The following SEMA6D variants were observed in gnomAD, a reference collection of about 807,000 sequenced individuals.
SEMA6D encodes semaphorin-6D.
SEMA6D carries 35 observed loss-of-function variants against 106.6 expected under a neutral mutation model. The ratio of observed to expected loss-of-function variants is 0.33; its 90% CI spans 0.25 to 0.44. The LOEUF is 0.44. Among genes scored for constraint, SEMA6D ranks in the 20% least tolerant of loss-of-function variants. The pLI is 1.00. For missense variants in SEMA6D, 1,185 were observed against 1,345.9 expected, an observed-to-expected ratio of 0.88 and a Z score of 1.87; for synonymous variants, 499 against 487.7, an observed-to-expected ratio of 1.02 and a Z score of -0.31.
At chr15:47,284,015 C>T (rs1363401769) in intron 1 of SEMA6D, among the ~76,000 whole-genome samples, 1 of 152,136 alleles carries the variant, frequency 6.6e-6, no homozygotes, top group Non-Finnish European at 1.5e-5. Context: ...TCACCTCTAC[C>T]CACTGCTTTT....
At chr15:47,761,286 C>A (rs2082048446) in intron 5 of SEMA6D, 44 bp from the exon 6 acceptor site, 1 of 1,608,932 alleles carries the variant, frequency 6.2e-7, no homozygotes, top group Non-Finnish European at 8.5e-7. Context: ...ACAGTGCCAG[C>A]ATGTTCAAAT....
intron 3 of SEMA6D, among the ~76,000 whole-genome samples, chr15:47,553,856 A>G (rs947326959): frequency 6.6e-6 from 1 of 152,218 alleles, no homozygotes; most frequent in African/African-American, 2.4e-5. Context: ...TTTTAGAGAA[A>G]TATAGGATTT....
intron 1 of SEMA6D, among the ~76,000 whole-genome samples, chr15:47,720,914 C>T (rs1403413902): frequency 2.0e-5 from 3 of 152,158 alleles, no homozygotes; most frequent in Non-Finnish European, 4.4e-5. Flanking sequence ...AGTAGTGTAA[C>T]CGTAGGAGGT....
chr15:47,221,315 G>A (rs991111181), intron 1 of SEMA6D, among the ~76,000 whole-genome samples: 2 of 152,182 alleles, frequency 1.3e-5, no homozygotes, highest in Non-Finnish European at 2.9e-5. Context: ...CTCCCCCTGG[G>A]CTGTAAGAAA....
At chr15:47,469,430 T>C (rs953008941) in intron 2 of SEMA6D, among the ~76,000 whole-genome samples, 1 of 152,074 alleles carries the variant, frequency 6.6e-6, no homozygotes, top group African/African-American at 2.4e-5. Context: ...TTGAGAAATG[T>C]TAAGAAATCA....
intron 3 of SEMA6D, among the ~76,000 whole-genome samples, chr15:47,521,054 C>T (rs1043690802): frequency 7.9e-5 from 12 of 152,196 alleles, no homozygotes; most frequent in African/African-American, 2.9e-4. Flanking sequence ...GTAGAACTGC[C>T]TCCTCTCATA....
chr15:47,634,647 A>G (rs2077349774), intron 4 of SEMA6D, among the ~76,000 whole-genome samples: 1 of 152,118 alleles, frequency 6.6e-6, no homozygotes, highest in African/African-American at 2.4e-5. Context: ...ATTCAGTGTC[A>G]TTGTTTCAGG....
chr15:47,759,229 C>G (rs996234848), intron 1 of SEMA6D, among the ~76,000 whole-genome samples: 2 of 152,088 alleles, frequency 1.3e-5, no homozygotes, highest in African/African-American at 2.4e-5. Flanking sequence ...GGGGCTAATA[C>G]TTGGGTAATG....
At chr15:47,648,762 C>T (rs1446266521) in intron 4 of SEMA6D, among the ~76,000 whole-genome samples, 3 of 152,118 alleles carry the variant, frequency 2.0e-5, no homozygotes, top group Non-Finnish European at 4.4e-5. Flanking sequence ...GTATAGCTCA[C>T]ATTTATTTCA....
chr15:47,541,774 A>C (rs2045361892), intron 3 of SEMA6D, among the ~76,000 whole-genome samples: 1 of 152,178 alleles, frequency 6.6e-6, no homozygotes, highest in Non-Finnish European at 1.5e-5. Context: ...AAGTGTTAGC[A>C]ATCCAAAAAG....
intron 3 of SEMA6D, among the ~76,000 whole-genome samples, chr15:47,524,402 T>C (rs1768778768): frequency 6.6e-6 from 1 of 152,182 alleles, no homozygotes; most frequent in African/African-American, 2.4e-5. Flanking sequence ...AGGCTGCTGA[T>C]TGAAACTTAC....
intron 1 of SEMA6D, chr15:47,393,364 C>T (rs1010815567): frequency 2.0e-5 from 3 of 152,194 alleles, no homozygotes; most frequent in African/African-American, 4.8e-5. Context: ...GCAGTACAAC[C>T]TGAGGTATTT....
chr15:47,189,699 T>C (rs981631114), intron 1 of SEMA6D, among the ~76,000 whole-genome samples: 1 of 152,200 alleles, frequency 6.6e-6, no homozygotes, highest in Non-Finnish European at 1.5e-5. Flanking sequence ...TTACAGTTAA[T>C]GTTAAAATAG....
intron 4 of SEMA6D, among the ~76,000 whole-genome samples, chr15:47,688,793 C>G (rs2078524501): frequency 6.6e-6 from 1 of 152,114 alleles, no homozygotes; most frequent in Admixed American, 6.6e-5. Context: ...TTGACGAAAT[C>G]TTTGGTAAGG....
At chr15:47,655,659 A>G (rs978120404) in intron 4 of SEMA6D, among the ~76,000 whole-genome samples, 3 of 152,228 alleles carry the variant, frequency 2.0e-5, no homozygotes, top group African/African-American at 7.2e-5. Context: ...GAATTACACA[A>G]ACAAAACCTT....
intron 3 of SEMA6D, among the ~76,000 whole-genome samples, chr15:47,586,473 CA>C (rs1596370720): frequency 1.3e-5 from 2 of 152,132 alleles, no homozygotes; most frequent in East Asian, 3.9e-4. Flanking sequence ...CTTATTTTTA[CA>C]AAGCTATAAC....
At chr15:47,577,001 C>G (rs1423797952) in intron 3 of SEMA6D, among the ~76,000 whole-genome samples, 1 of 152,230 alleles carries the variant, frequency 6.6e-6, no homozygotes, top group Non-Finnish European at 1.5e-5. Context: ...ACAGAAGAAA[C>G]CTGCTGTCAG....
chr15:47,676,210 C>G (rs1350612395), intron 4 of SEMA6D, among the ~76,000 whole-genome samples: 2 of 152,156 alleles, frequency 1.3e-5, no homozygotes, highest in Non-Finnish European at 2.9e-5. Context: ...CCACTTCCCC[C>G]CTTTAAATTC....
intron 1 of SEMA6D, among the ~76,000 whole-genome samples, chr15:47,379,826 C>T (rs1216842073): frequency 6.6e-6 from 1 of 152,108 alleles, no homozygotes; most frequent in Non-Finnish European, 1.5e-5. Context: ...GGCGCAATCT[C>T]GGCTCACAGC....
Sources: allele counts gnomAD v4.1 joint callset (sites outside exome capture counted in the v4.1 genomes callset), GRCh38; gene constraint gnomAD v4.1.1; transcripts MANE v1.5; gene names NCBI Gene and HGNC (gene_info 2026-07-23, HGNC 2026-07-21).